SPATA16: variants seen among roughly 807,000 people sequenced by gnomAD.
The protein encoded by SPATA16 is spermatogenesis-associated protein 16.
A neutral mutation model predicts 63.3 loss-of-function variants in SPATA16; 36 were observed. The ratio of observed to expected loss-of-function variants is 0.57; its 90% confidence interval spans 0.44 to 0.75. The LOEUF (loss-of-function observed/expected upper bound fraction) is 0.75, where lower values mean the gene tolerates loss of function less well. Among genes scored for constraint, SPATA16 ranks in the 30% least tolerant of loss-of-function variants. SPATA16 has a pLI of 0.00. For synonymous variants in SPATA16, 203 were observed against 216.7 expected, an observed-to-expected ratio of 0.94 and a Z score of 0.56; for missense variants, 646 against 679.3, an observed-to-expected ratio of 0.95 and a Z score of 0.54.
intron 2 of SPATA16, among the ~76,000 whole-genome samples, chr3:173,112,525 A>T (rs1737773517): frequency 6.6e-6 from 1 of 152,196 alleles, no homozygotes; most frequent in African/African-American, 2.4e-5. Flanking sequence ...CAAGTTACTT[A>T]ACCTGTCCAC....
At chr3:172,969,085 G>A (rs985000846) in intron 5 of SPATA16, among the ~76,000 whole-genome samples, 1 of 152,002 alleles carries the variant, frequency 6.6e-6, no homozygotes, top group African/African-American at 2.4e-5. Flanking sequence ...TTCTTTGTAG[G>A]CAAGAGACTA....
intron 2 of SPATA16, among the ~76,000 whole-genome samples, chr3:173,085,115 C>T (rs984795576): frequency 5.3e-5 from 8 of 152,108 alleles, no homozygotes; most frequent in African/African-American, 1.9e-4. Flanking sequence ...GGCAGTATGG[C>T]CATTTTCATG....
At chr3:173,115,460 G>A (rs1737870490) in intron 2 of SPATA16, among the ~76,000 whole-genome samples, 1 of 152,150 alleles carries the variant, frequency 6.6e-6, no homozygotes, top group Admixed American at 6.5e-5. Flanking sequence ...CTAGACGAAG[G>A]CTGCAGAGCT....
At chr3:173,042,924 T>A (rs1170664627) in intron 3 of SPATA16, among the ~76,000 whole-genome samples, 2 of 152,160 alleles carry the variant, frequency 1.3e-5, no homozygotes, top group African/African-American at 4.8e-5. Flanking sequence ...TAATTGAGTC[T>A]TATTTTCATC....
In SPATA16 at chr3:173,016,603, G is replaced by A. The variant is rs115353734; in HGVS notation, c.848+2883C>T. On this transcript the variant is annotated intron_variant, in intron 4 of 10. Coordinates refer to ENST00000351008, the MANE Select transcript of SPATA16 (RefSeq NM_031955.6). Reference sequence around the variant, plus strand: ...CTCTCAATCCAAGAAACATGACTGCGTAGCATGCTACAGGAAATAACCTTG... The same window carrying A: ...CTCTCAATCCAAGAAACATGACTGCATAGCATGCTACAGGAAATAACCTTG... Among the ~76,000 whole-genome samples the A allele has an allele frequency of 5.9e-3, 895 of 152,268 alleles. 12 individuals carry two copies. Among genetic ancestry groups the A allele is most frequent in the African/African-American group, 0.02 (851 of 41,562 alleles).
intron 8 of SPATA16, among the ~76,000 whole-genome samples, chr3:172,921,629 A>C (rs935774803): frequency 1.3e-5 from 2 of 152,220 alleles, no homozygotes; most frequent in African/African-American, 4.8e-5. Context: ...GGTAATTTCA[A>C]ACTACACAGC....
In SPATA16 at chr3:173,043,169, C is replaced by T. The variant is rs534235909; in HGVS notation, c.758+5780G>A. Among the ~76,000 whole-genome samples the T allele has an allele frequency of 1.0e-3, 159 of 152,090 alleles. 1 individual carries two copies. Among genetic ancestry groups the T allele is most frequent in the Non-Finnish European group, 1.7e-3 (113 of 67,954 alleles). On this transcript the variant is annotated intron_variant, in intron 3 of 10. Coordinates refer to ENST00000351008, the MANE Select transcript of SPATA16 (RefSeq NM_031955.6). ...TACATATGTTTGATGTAATTACTGA[C>T]GTAGTTTGATTGAACTCTGCCATCA...
chr3:172,957,857 A>C (rs1733637909), intron 5 of SPATA16, among the ~76,000 whole-genome samples: 1 of 152,190 alleles, frequency 6.6e-6, no homozygotes, highest in Non-Finnish European at 1.5e-5. Flanking sequence ...TAAACTGGGA[A>C]GTCTAAATAA....
chr3:172,993,619 T>C (rs879370692), intron 4 of SPATA16, among the ~76,000 whole-genome samples: 3 of 152,192 alleles, frequency 2.0e-5, no homozygotes, highest in African/African-American at 7.2e-5. Flanking sequence ...ATAATCTTCC[T>C]GTGGCATAAT....
rs112224189 is a variant in SPATA16 at position 173,043,534 on chromosome 3, G to A, written c.758+5415C>T. ...TATAATAAAAATGCTATCATTTTCT[G>A]TTTAAACATTTATCTTTAAGGACAT... On this transcript the variant is annotated intron_variant, in intron 3 of 10. Transcript: ENST00000351008. Among the ~76,000 whole-genome samples, 1,324 of 151,754 alleles carry A rather than the reference G, an allele frequency of 8.7e-3. 13 individuals are homozygous for A. The highest frequency in any genetic ancestry group is 0.03 in the African/African-American group (1,235 of 41,430).
At chr3:172,933,100 C>T (rs560364389) in intron 6 of SPATA16, among the ~76,000 whole-genome samples, 16 of 152,198 alleles carry the variant, frequency 1.1e-4, no homozygotes, top group Admixed American at 6.5e-4. Context: ...CACTGAAGTT[C>T]CTTGATCCTA....
At chr3:172,998,674 G>C (rs1734744975) in intron 4 of SPATA16, among the ~76,000 whole-genome samples, 1 of 152,026 alleles carries the variant, frequency 6.6e-6, no homozygotes, top group Non-Finnish European at 1.5e-5. Flanking sequence ...TTAGCTGTAG[G>C]TTTTTTGTAG....
At chr3:172,974,769 G>A (rs549827716) in intron 5 of SPATA16, among the ~76,000 whole-genome samples, 1 of 152,114 alleles carries the variant, frequency 6.6e-6, no homozygotes, top group East Asian at 1.9e-4. Context: ...GTGCTAAAAT[G>A]GGCTTTAAGA....
chr3:173,026,045 A>G (rs1346076841), intron 3 of SPATA16, among the ~76,000 whole-genome samples: 1 of 152,034 alleles, frequency 6.6e-6, no homozygotes, highest in Non-Finnish European at 1.5e-5. Flanking sequence ...CCAGCAATGC[A>G]TGAAAGTTCC....
At chr3:173,028,861 G>A (rs970534333) in intron 3 of SPATA16, among the ~76,000 whole-genome samples, 2 of 151,904 alleles carry the variant, frequency 1.3e-5, no homozygotes, top group African/African-American at 4.8e-5. Flanking sequence ...TCACCATATC[G>A]GAAGCTGTCT....
chr3:172,990,135 C>T (rs1369589721), intron 4 of SPATA16, among the ~76,000 whole-genome samples: 1 of 152,172 alleles, frequency 6.6e-6, no homozygotes, highest in Non-Finnish European at 1.5e-5. Flanking sequence ...TCATGTCTTA[C>T]TTATTATGAA....
intron 2 of SPATA16, among the ~76,000 whole-genome samples, chr3:173,094,063 TTTAACTC>T (rs1201633376): frequency 6.6e-6 from 1 of 150,712 alleles, no homozygotes; most frequent in African/African-American, 2.5e-5. Flanking sequence ...TTTGCATCCC[TTTAACTC>T]TTATTTCAGT....
intron 6 of SPATA16, 58 bp downstream of exon 6, chr3:172,956,619 G>C: frequency 6.4e-7 from 1 of 1,560,776 alleles, no homozygotes; most frequent in Non-Finnish European, 8.8e-7. Context: ...AAAGAACCCT[G>C]TATTTGTTTT....
At chr3:173,064,320 C>CAAAAAAAAAAAA (rs59773490) in intron 2 of SPATA16, among the ~76,000 whole-genome samples, 16 of 57,618 alleles carry the variant, frequency 2.8e-4, no homozygotes, top group East Asian at 1.6e-3. Flanking sequence ...ACACGCACAC[C>CAAAAAAAAAAAA]AAAAAAAAAA....
Sources: gnomAD v4.1 joint callset for allele counts (sites outside exome capture counted in the v4.1 genomes callset) on GRCh38, gnomAD v4.1.1 for gene constraint, MANE v1.5 for transcripts, NCBI Gene and HGNC (gene_info 2026-07-23, HGNC 2026-07-21) for gene names.